GPR63: variants seen among roughly 807,000 people sequenced by gnomAD.
The protein encoded by GPR63 is G protein-coupled receptor 63, also known as probable G protein-coupled receptor 63.
Under a neutral mutation model 23.1 loss-of-function variants are expected in GPR63, and 12 were observed. That is an observed-to-expected ratio of 0.52 (90% CI 0.33 to 0.84). The LOEUF (loss-of-function observed/expected upper bound fraction) is 0.84. Among genes scored for constraint, GPR63 ranks in the 40% least tolerant of loss-of-function variants. GPR63 has a pLI of 0.02. For synonymous variants in GPR63, 172 were observed against 191.1 expected, an observed-to-expected ratio of 0.90 and a Z score of 0.82; for missense variants, 472 against 515.6, an observed-to-expected ratio of 0.92 and a Z score of 0.82.
rs952273860 is a variant in GPR63 at position 96,797,988 on chromosome 6, C to T, written c.*484G>A. The T allele has an allele frequency of 9.7e-5, 15 of 154,120 alleles. No homozygotes were observed. Among genetic ancestry groups the T allele is most frequent in the African/African-American group, 1.9e-4 (8 of 41,418 alleles). The allele number at this position is 154,120 out of a possible 1,614,324, so 9.5% of individuals were successfully genotyped here. ...TAAATAGTAATGACCCTTAAAATGT[C>T]GCTAACCTTCCTGGGTTAGTTTTTA... On this transcript the variant is annotated 3_prime_UTR_variant, in exon 2 of 2. Transcript: ENST00000229955.
At chr6:96,818,663 C>A (rs1174641627) in intron 1 of GPR63, among the ~76,000 whole-genome samples, 1 of 152,004 alleles carries the variant, frequency 6.6e-6, no homozygotes, top group Admixed American at 6.6e-5. Context: ...TAATATGTTC[C>A]CACTATGTTT....
In GPR63 at chr6:96,794,916, G is replaced by A. The variant is rs1355346623; in HGVS notation, c.*3556C>T. 1 of 152,214 alleles carries A rather than the reference G, an allele frequency of 6.6e-6. No homozygotes were observed. The highest frequency in any genetic ancestry group is 1.5e-5 in the Non-Finnish European group (1 of 68,036). The allele number at this position is 152,214 out of a possible 1,614,324, so 9.4% of individuals were successfully genotyped here. On this transcript the variant is annotated 3_prime_UTR_variant, in exon 2 of 2. Coordinates refer to ENST00000229955, the MANE Select transcript of GPR63 (RefSeq NM_030784.4). ...GGCAGCAAATCAGGCACAATGTTGT[G>A]TGGATTTTCCTCTCAATGTGGATTA...
At position 96,798,988 on chromosome 6, in the gene GPR63, G is replaced by A. The variant is rs763452682; in HGVS notation, c.744C>T (p.Leu248=). 3 of 1,614,166 alleles carry A rather than the reference G, an allele frequency of 1.9e-6. No individual in the cohort carries two copies. Among genetic ancestry groups the A allele is most frequent in the South Asian group, 1.1e-5 (1 of 91,080 alleles). Residue 248 remains leucine (L), a synonymous_variant, in exon 2 of 2, where the codon CTC becomes CTT. Coordinates refer to ENST00000229955, the MANE Select transcript of GPR63 (RefSeq NM_030784.4). ...GYQAYVILIS[L]ISFFIPFLVI... is the part of the protein sequence containing the mutation. ...CCAGGAAGGGTATGAAGAAAGAAATGAGAGAAATCAAAATCACATAAGCCT... is the reference window on the plus strand; with the variant it reads ...CCAGGAAGGGTATGAAGAAAGAAATAAGAGAAATCAAAATCACATAAGCCT...
At chr6:96,801,272 T>C (rs890291466) in intron 1 of GPR63, among the ~76,000 whole-genome samples, 2 of 151,424 alleles carry the variant, frequency 1.3e-5, no homozygotes, top group Non-Finnish European at 2.9e-5. Flanking sequence ...CGATCTCAGC[T>C]CACCGCAACC....
chr6:96,809,495 C>A (rs767583586), intron 1 of GPR63, among the ~76,000 whole-genome samples: 4 of 152,082 alleles, frequency 2.6e-5, no homozygotes, highest in African/African-American at 4.8e-5. Context: ...ATGCATGTAT[C>A]TATATCTACA....
At chr6:96,812,804 G>C (rs562399302) in intron 1 of GPR63, among the ~76,000 whole-genome samples, 16 of 152,086 alleles carry the variant, frequency 1.1e-4, no homozygotes, top group African/African-American at 3.6e-4. Context: ...GGGGTATCTG[G>C]AGTATCCATC....
At chr6:96,814,013 C>CA (rs1205120945) in intron 1 of GPR63, among the ~76,000 whole-genome samples, 1 of 151,714 alleles carries the variant, frequency 6.6e-6, no homozygotes, top group East Asian at 1.9e-4. Context: ...AAAAATGCAA[C>CA]AAAAAAGAAA....
intron 1 of GPR63, among the ~76,000 whole-genome samples, chr6:96,833,248 C>T (rs1433639512): frequency 6.6e-6 from 1 of 152,200 alleles, no homozygotes; most frequent in African/African-American, 2.4e-5. Flanking sequence ...CCCCAACTCC[C>T]TTTGTATCCA....
In GPR63 at chr6:96,798,762, T is replaced by C. The variant is rs748117772; in HGVS notation, c.970A>G (p.Ile324Val). The C allele has an allele frequency of 6.2e-7, 1 of 1,614,108 alleles. No homozygotes were observed. The highest frequency in any genetic ancestry group is 8.5e-7 in the Non-Finnish European group (1 of 1,180,038). The change falls in exon 2 of 2, where the codon ATT becomes GTT. Residue 324 changes from isoleucine to valine, a missense_variant. Coordinates refer to ENST00000229955, the MANE Select transcript of GPR63 (RefSeq NM_030784.4). ...TTILILFAVF[I>V]VCWAPFTTYS... ...GTGGTGAATGGGGCCCAGCAGACAA[T>C]GAAGACAGCAAAGAGAATCAAAATA...
intron 1 of GPR63, among the ~76,000 whole-genome samples, chr6:96,823,378 T>G (rs865966445): frequency 1.3e-5 from 2 of 152,050 alleles, no homozygotes; most frequent in African/African-American, 4.8e-5. Flanking sequence ...CCTAAGTTAT[T>G]GTGTGTGTTT....
rs149535937 is a variant in GPR63, at chr6:96,806,237, G to A, written c.-150-6356C>T. Among the ~76,000 whole-genome samples the A allele has an allele frequency of 3.1e-3, 478 of 152,230 alleles. 2 individuals carry two copies. The highest frequency in any genetic ancestry group is 0.02 in the Middle Eastern group (6 of 294). Reference sequence around the variant, plus strand: ...AGAAAGAGTCCTAAAAAAATTCAGAGGCCTGCCATCTTTTAAATTTTCTAG... The same window carrying A: ...AGAAAGAGTCCTAAAAAAATTCAGAAGCCTGCCATCTTTTAAATTTTCTAG... On this transcript the variant is annotated intron_variant, in intron 1 of 1. Transcript: ENST00000229955.
chr6:96,798,383 A>C lies in GPR63; in HGVS notation c.*89T>G. ...CACACATACATACACAAACCCTATAAAAAAAAATAAAGTGGAGAGGCTATG... is the reference window on the plus strand; with the variant it reads ...CACACATACATACACAAACCCTATACAAAAAAATAAAGTGGAGAGGCTATG... On this transcript the variant is annotated 3_prime_UTR_variant, in exon 2 of 2. Coordinates refer to ENST00000229955, the MANE Select transcript of GPR63 (RefSeq NM_030784.4). 1.4e-6 allele frequency: 2 copies of C among 1,388,738 alleles called. No individual in the cohort carries two copies. Among genetic ancestry groups the C allele is most frequent in the Non-Finnish European group, 2.0e-6 (2 of 1,020,446 alleles). The allele number at this position is 1,388,738 out of a possible 1,614,324, so 86.0% of individuals were successfully genotyped here.
At chr6:96,799,961 T>C in intron 1 of GPR63, 80 bp from the exon 2 acceptor site, 1 of 559,258 alleles carries the variant, frequency 1.8e-6, no homozygotes, top group Non-Finnish European at 3.3e-6. Flanking sequence ...CTGCCTTTCA[T>C]CATGAAGGAT....
In GPR63 at chr6:96,799,289, A is replaced by T. The variant is rs756895707; in HGVS notation, c.443T>A (p.Ile148Asn). The change falls in exon 2 of 2, where the codon ATT becomes AAT. Residue 148 changes from isoleucine to asparagine, a missense_variant. Coordinates refer to ENST00000229955, the MANE Select transcript of GPR63 (RefSeq NM_030784.4). ...ALVTILTTRW[I>N]FGKFFCRVSA... ...TACCCTACAGAAGAATTTCCCAAAA[A>T]TCCATCGGGTAGTAAGAATAGTTAC... is the stretch of plus-strand genomic sequence containing the variant. 3 of 1,614,140 alleles carry T rather than the reference A, an allele frequency of 1.9e-6. No homozygotes were observed. Among genetic ancestry groups the T allele is most frequent in the Middle Eastern group, 3.3e-4 (2 of 6,062 alleles).
At chr6:96,834,513 G>A (rs978406978) in intron 1 of GPR63, among the ~76,000 whole-genome samples, 1 of 151,754 alleles carries the variant, frequency 6.6e-6, no homozygotes, top group Non-Finnish European at 1.5e-5. Flanking sequence ...ACTCATTCAT[G>A]TGTCTTCAAG....
intron 1 of GPR63, among the ~76,000 whole-genome samples, chr6:96,815,743 A>G (rs1287883532): frequency 6.6e-6 from 1 of 152,244 alleles, no homozygotes; most frequent in Non-Finnish European, 1.5e-5. Context: ...ATATATATCA[A>G]TAAAGCTAAA....
Position 96,795,775 on chromosome 6 carries a change from T to C in GPR63, c.*2697A>G, listed in dbSNP as rs1373960762. 1 of 152,222 alleles carries C rather than the reference T, an allele frequency of 6.6e-6. No homozygotes were observed. The highest frequency in any genetic ancestry group is 1.5e-5 in the Non-Finnish European group (1 of 68,046). The allele number at this position is 152,222 out of a possible 1,614,324, so 9.4% of individuals were successfully genotyped here. ...CAATATGTAAGATGAATACAGATCA[T>C]GCTGACTTTCCTCAGAGAAAAGTCT... On this transcript the variant is annotated 3_prime_UTR_variant, in exon 2 of 2. Transcript: ENST00000229955.
chr6:96,802,701 A>C (rs906540061), intron 1 of GPR63, among the ~76,000 whole-genome samples: 3 of 124,036 alleles, frequency 2.4e-5, no homozygotes, highest in Non-Finnish European at 5.0e-5. Context: ...CACCATGCCC[A>C]GCTAATTTTT....
rs1428962559 is a variant in GPR63, at chr6:96,796,828, C to T, written c.*1644G>A. On this transcript the variant is annotated 3_prime_UTR_variant, in exon 2 of 2. Coordinates refer to ENST00000229955, the MANE Select transcript of GPR63 (RefSeq NM_030784.4). ...TTAATTTCTCAATAATTGTCAGTCACTTGTTTTGCAAATCAAAAACAAAAA... is the reference window on the plus strand; with the variant it reads ...TTAATTTCTCAATAATTGTCAGTCATTTGTTTTGCAAATCAAAAACAAAAA... 6.6e-6 allele frequency: 1 copy of T among 150,754 alleles called. No homozygotes were observed. Among genetic ancestry groups the T allele is most frequent in the East Asian group, 1.9e-4 (1 of 5,186 alleles). 9.3% of individuals were successfully genotyped at this position (150,754 alleles called of 1,614,324 possible).
Sources: allele counts gnomAD v4.1 joint callset (sites outside exome capture counted in the v4.1 genomes callset), GRCh38; gene constraint gnomAD v4.1.1; transcripts MANE v1.5; gene names NCBI Gene and HGNC (gene_info 2026-07-23, HGNC 2026-07-21).